Variants in RIPK1 observed in about 807,000 individuals in gnomAD.
RIPK1 encodes the protein receptor-interacting serine/threonine-protein kinase 1.
In RIPK1, 27 loss-of-function variants were observed where a neutral mutation model predicts 62.4. The observed-to-expected ratio is 0.43, with a 90% CI of 0.32 to 0.60. The LOEUF (loss-of-function observed/expected upper bound fraction) is 0.60. RIPK1 is among the 20% of genes least tolerant of loss of function. RIPK1 has a pLI of 0.07. For missense variants in RIPK1, 735 were observed against 831.0 expected, an observed-to-expected ratio of 0.88 and a Z score of 1.42; for synonymous variants, 287 against 303.2, an observed-to-expected ratio of 0.95 and a Z score of 0.55.
chr6:3,068,568 C>T lies in RIPK1; in HGVS notation c.-154C>T, dbSNP rs1476456244. 36 of 985,228 alleles carry T rather than the reference C, an allele frequency of 3.7e-5. No individual in the cohort carries two copies. Among genetic ancestry groups the T allele is most frequent in the Non-Finnish European group, 4.3e-5 (36 of 829,962 alleles). 61.0% of individuals were successfully genotyped at this position (985,228 alleles called of 1,614,324 possible). ...GCCGGAGCGCGGCGACTCCAGGGGA[C>T]CCACAGCTGGGGCGCCAGAGCGCGG... On this transcript the variant is annotated 5_prime_UTR_variant, in exon 1 of 11. Coordinates refer to ENST00000259808, the MANE Select transcript of RIPK1 (RefSeq NM_001354930.2).
Position 3,113,020 on chromosome 6 carries a change from G to A in RIPK1, c.1730-33G>A. 6.6e-7 allele frequency: 1 copy of A among 1,509,940 alleles called. No individual in the cohort carries two copies. Among genetic ancestry groups the A allele is most frequent in the Non-Finnish European group, 8.9e-7 (1 of 1,128,260 alleles). 93.5% of individuals were successfully genotyped at this position (1,509,940 alleles called of 1,614,324 possible). A position where few individuals can be genotyped will look rare whatever the true frequency, so the allele number is the denominator to read the frequency against. ...AGCTGGAATGTTTGAATGGGTTTTA[G>A]CTTGATACCTTCTTCTTTTTCCCAT... On this transcript the variant is annotated intron_variant, in intron 10 of 10. Coordinates refer to ENST00000259808, the MANE Select transcript of RIPK1 (RefSeq NM_001354930.2). The surrounding 1 kb of genome is among the most constrained non-coding windows in gnomAD (Gnocchi z 5.0).
rs1027415215 is a variant in RIPK1 at position 3,072,769 on chromosome 6, A to G, written c.-60-3995A>G. Among the ~76,000 whole-genome samples the G allele has an allele frequency of 2.0e-5, 3 of 152,196 alleles. No individual in the cohort carries two copies. The highest frequency in any genetic ancestry group is 4.8e-5 in the African/African-American group (2 of 41,448). ...TTCTCTGACACCTAACCAGGCAAGAAGTTGGAAGAATATGGCCTAAGAGGG... is the reference window on the plus strand; with the variant it reads ...TTCTCTGACACCTAACCAGGCAAGAGGTTGGAAGAATATGGCCTAAGAGGG... On this transcript the variant is annotated intron_variant, in intron 1 of 10. Coordinates refer to ENST00000259808, the MANE Select transcript of RIPK1 (RefSeq NM_001354930.2). This position sits in a 1 kb window ranked among gnomAD's most constrained non-coding sequence, Gnocchi z 5.6.
chr6:3,110,982 C>A, intron 10 of RIPK1, 27 bp downstream of exon 10: 3 of 1,538,766 alleles, frequency 1.9e-6, no homozygotes, highest in Non-Finnish European at 2.6e-6. Context: ...GGACTCAACG[C>A]CTAGCAACCT....
chr6:3,105,631 C>A lies in RIPK1; in HGVS notation c.1156C>A (p.Leu386Ile). 1 of 1,614,098 alleles carries A rather than the reference C, an allele frequency of 6.2e-7. No homozygotes were observed. The highest frequency in any genetic ancestry group is 8.5e-7 in the Non-Finnish European group (1 of 1,179,986). Reference protein sequence around the residue: ...SKLQDEANYHLYGSRMDRQTK... With the variant: ...SKLQDEANYHIYGSRMDRQTK... ...ACTCCAAGACGAAGCCAACTACCAT[C>A]TTTATGGCAGCCGCATGGACAGGCA... Residue 386 changes from leucine (L) to isoleucine (I), a missense_variant, in exon 9 of 11, where the codon CTT becomes ATT. By Grantham distance (5) the Leu-to-Ile change is conservative. Transcript: ENST00000259808. This position sits in a 1 kb window ranked among gnomAD's most constrained non-coding sequence, Gnocchi z 4.5.
chr6:3,105,820 G>A lies in RIPK1; in HGVS notation c.1345G>A (p.Val449Met). Residue 449 changes from valine to methionine, a missense_variant, in exon 9 of 11, where the codon GTG becomes ATG. This residue lies in a region of RIPK1 where 671 missense variants were observed against 726.2 expected (regional missense o/e 0.92). Coordinates refer to ENST00000259808, the MANE Select transcript of RIPK1 (RefSeq NM_001354930.2). This position sits in a 1 kb window ranked among gnomAD's most constrained non-coding sequence, Gnocchi z 4.5. The part of the protein sequence containing the change: ...YSSAASHGNA[V>M]HQPSGLTSQP... ...CAGTGCAGCCAGTCATGGTAATGCA[G>A]TGCACCAGCCCTCAGGGCTCACCAG... 6.2e-7 allele frequency: 1 copy of A among 1,614,156 alleles called. No individual in the cohort carries two copies. The highest frequency in any genetic ancestry group is 8.5e-7 in the Non-Finnish European group (1 of 1,180,016).
chr6:3,109,878 C>T (rs190246412), intron 9 of RIPK1, among the ~76,000 whole-genome samples: 19 of 152,304 alleles, frequency 1.2e-4, no homozygotes, highest in African/African-American at 4.6e-4. Context: ...TGAGTGGAAC[C>T]ATGCAGCATT....
At chr6:3,069,466 C>T (rs1159841861) in intron 1 of RIPK1, among the ~76,000 whole-genome samples, 1 of 140,738 alleles carries the variant, frequency 7.1e-6, no homozygotes, top group Non-Finnish European at 1.5e-5. Context: ...GCGGGGGTTG[C>T]GGGGGCAGGG....
chr6:3,109,031 C>T (rs975277527), intron 9 of RIPK1, among the ~76,000 whole-genome samples: 2 of 152,144 alleles, frequency 1.3e-5, no homozygotes, highest in Non-Finnish European at 2.9e-5. Flanking sequence ...ATGCCAAGTG[C>T]TCTTTAGGGA....
chr6:3,080,781 A>T (rs1344072811), intron 3 of RIPK1, among the ~76,000 whole-genome samples, 198 bp from the exon 4 acceptor site: 1 of 151,122 alleles, frequency 6.6e-6, no homozygotes, highest in Non-Finnish European at 1.5e-5. Context: ...CTAACAAAAT[A>T]CAACACGAAT....
At chr6:3,073,334 T>C (rs867252817) in intron 1 of RIPK1, among the ~76,000 whole-genome samples, 5 of 151,972 alleles carry the variant, frequency 3.3e-5, no homozygotes, top group Admixed American at 1.3e-4. Flanking sequence ...TTTCTCATAA[T>C]CCTTACCACT....
intron 7 of RIPK1, among the ~76,000 whole-genome samples, chr6:3,099,930 A>G (rs1461799841): frequency 1.3e-5 from 2 of 152,232 alleles, no homozygotes; most frequent in African/African-American, 2.4e-5. Context: ...AAGAGTGAAA[A>G]ATTAGAAACA....
chr6:3,068,962 A>C (rs1435865636), intron 1 of RIPK1: 1 of 151,706 alleles, frequency 6.6e-6, no homozygotes, highest in Non-Finnish European at 1.5e-5. Context: ...CCGGTACCGG[A>C]AGTCGGGCGG....
intron 10 of RIPK1, among the ~76,000 whole-genome samples, chr6:3,111,645 G>A (rs1034367021): frequency 7.9e-5 from 12 of 152,244 alleles, no homozygotes; most frequent in African/African-American, 2.9e-4. Context: ...GAATGAGCAC[G>A]GCTGTGTTCC....
intron 7 of RIPK1, among the ~76,000 whole-genome samples, chr6:3,101,980 A>G (rs529669425): frequency 6.6e-6 from 1 of 152,114 alleles, no homozygotes; most frequent in African/African-American, 2.4e-5. Flanking sequence ...GGTAGCTTCT[A>G]TTCTGTTTTC....
At chr6:3,098,686 G>A (rs181761408) in intron 7 of RIPK1, among the ~76,000 whole-genome samples, 6 of 152,358 alleles carry the variant, frequency 3.9e-5, no homozygotes, top group Admixed American at 1.3e-4. Flanking sequence ...GATCAGAACA[G>A]TGTAGACTAC....
intron 9 of RIPK1, among the ~76,000 whole-genome samples, chr6:3,107,214 T>C (rs1039974695): frequency 1.3e-5 from 2 of 149,786 alleles, no homozygotes; most frequent in Non-Finnish European, 3.0e-5. Context: ...ATCATGCCAC[T>C]GCACTCCAGC....
chr6:3,106,598 C>T (rs1183810487), intron 9 of RIPK1, among the ~76,000 whole-genome samples: 1 of 152,120 alleles, frequency 6.6e-6, no homozygotes, highest in Non-Finnish European at 1.5e-5. Context: ...TAATACTCAC[C>T]AACATCACCT....
intron 1 of RIPK1, among the ~76,000 whole-genome samples, chr6:3,073,885 C>T (rs936649521): frequency 1.1e-4 from 16 of 152,238 alleles, no homozygotes; most frequent in South Asian, 2.1e-4. Context: ...ACGTCCACCA[C>T]GACTATCGTC....
At chr6:3,107,561 G>A (rs1485216200) in intron 9 of RIPK1, among the ~76,000 whole-genome samples, 37 of 81,814 alleles carry the variant, frequency 4.5e-4, no homozygotes, top group Non-Finnish European at 3.2e-4. Flanking sequence ...CGAGACTGTC[G>A]CAAAAAAAAA....
Sources: allele counts gnomAD v4.1 joint callset (sites outside exome capture counted in the v4.1 genomes callset), GRCh38; gene constraint gnomAD v4.1.1; regional missense constraint gnomAD v4.1.1; non-coding constraint Gnocchi (gnomAD v3.1); transcripts MANE v1.5; gene names NCBI Gene and HGNC (gene_info 2026-07-23, HGNC 2026-07-21).